The following TYW1 variants were observed in gnomAD, a reference collection of about 807,000 sequenced individuals.
TYW1 encodes the protein tRNA-yW synthesizing protein 1 homolog, also known as S-adenosyl-L-methionine-dependent tRNA 4-demethylwyosine synthase TYW1.
In TYW1, 46 loss-of-function variants were observed where a neutral mutation model predicts 96.2. The observed-to-expected ratio is 0.48, with a 90% CI of 0.38 to 0.61. TYW1 has a LOEUF of 0.61. Ranked by LOEUF, TYW1 falls within the 20% of genes least tolerant of loss-of-function variation. The pLI, the probability that TYW1 is intolerant of heterozygous loss-of-function variation, is 0.00. For synonymous variants in TYW1, 274 were observed against 323.0 expected (o/e 0.85, Z 1.63); for missense variants, 684 against 909.6 (o/e 0.75, Z 3.19).
chr7:67,199,420 G>T (rs1378407395), intron 15 of TYW1, among the ~76,000 whole-genome samples: 3 of 152,102 alleles, frequency 2.0e-5, no homozygotes, highest in Non-Finnish European at 4.4e-5. Flanking sequence ...TCTCTCCTTT[G>T]CACCTGATAA....
intron 11 of TYW1, chr7:67,089,146 G>T: frequency 2.3e-6 from 1 of 443,176 alleles, no homozygotes. Context: ...GGAAGGGGGA[G>T]GAGGGGAAGT....
chr7:67,012,879 G>A (rs1226246107), intron 4 of TYW1, among the ~76,000 whole-genome samples: 4 of 150,958 alleles, frequency 2.6e-5, no homozygotes, highest in African/African-American at 9.7e-5. Flanking sequence ...ACATCATTAT[G>A]TATATGCAGA....
chr7:67,043,749 T>C (rs1405954003), intron 7 of TYW1, among the ~76,000 whole-genome samples: 2 of 152,182 alleles, frequency 1.3e-5, no homozygotes, highest in African/African-American at 4.8e-5. Context: ...TGAGTCCCCA[T>C]GTTATCTTGT....
In TYW1 at chr7:67,176,059, G is replaced by T. The variant is rs1584656698; in HGVS notation, c.1699-7067G>T. ...ATGTATTTTACAAGACTGCTATATA[G>T]ATACACAGTCAGCTTACAAAAATCA... On this transcript the variant is annotated intron_variant, in intron 13 of 15. Coordinates refer to ENST00000359626, the MANE Select transcript of TYW1 (RefSeq NM_018264.4). Among the ~76,000 whole-genome samples the T allele has an allele frequency of 9.2e-5, 14 of 152,102 alleles. 1 individual carries two copies. In the East Asian group the frequency reaches 2.7e-3, roughly 29 times the overall value.
chr7:67,148,425 A>ATTTTT lies in TYW1; in HGVS notation c.1698+30823_1698+30827dup, dbSNP rs34723740. 1.2e-4 allele frequency among the ~76,000 whole-genome samples: 13 copies of ATTTTT among 109,376 alleles called. 2 individuals are homozygous for ATTTTT. The highest frequency in any genetic ancestry group is 4.2e-4 in the African/African-American group (11 of 26,266). 71.8% of individuals were successfully genotyped at this position (109,376 alleles called of 152,430 possible). A position where few individuals can be genotyped will look rare whatever the true frequency, so the allele number is the denominator to read the frequency against. ...ACTTAACAAGGTTTACTTGAAAGTG[A>ATTTTT]TTTTTTTTTTTTTTTTTTTTGAGAT... On this transcript the variant is annotated intron_variant, in intron 13 of 15. Transcript: ENST00000359626.
At chr7:67,074,918 T>C (rs2115721341) in intron 10 of TYW1, among the ~76,000 whole-genome samples, 1 of 152,232 alleles carries the variant, frequency 6.6e-6, no homozygotes, top group South Asian at 2.1e-4. Flanking sequence ...CTGTAACCTC[T>C]GTCTCCTGGG....
At chr7:67,230,575 A>G (rs920719525) in intron 15 of TYW1, among the ~76,000 whole-genome samples, 4 of 151,136 alleles carry the variant, frequency 2.6e-5, no homozygotes, top group African/African-American at 9.8e-5. Flanking sequence ...TTTGGTATTT[A>G]TCTCCGTATC....
chr7:67,100,618 G>A (rs58746832), intron 12 of TYW1, among the ~76,000 whole-genome samples: 3,467 of 152,146 alleles, frequency 0.023, 138 homozygotes, highest in African/African-American at 0.079. Flanking sequence ...AGGCCGAGAC[G>A]GGTGGATCAC....
chr7:67,014,144 A>G (rs1793924709), intron 4 of TYW1, among the ~76,000 whole-genome samples: 1 of 152,184 alleles, frequency 6.6e-6, no homozygotes, highest in African/African-American at 2.4e-5. Flanking sequence ...ATGGTGAAAT[A>G]TACCAGGAGG....
At chr7:67,168,717 C>CT (rs201162063) in intron 13 of TYW1, among the ~76,000 whole-genome samples, 1 of 150,946 alleles carries the variant, frequency 6.6e-6, no homozygotes, top group Admixed American at 6.6e-5. Context: ...CTTTTTTTTT[C>CT]TTTTTTTCTT....
intron 15 of TYW1, among the ~76,000 whole-genome samples, chr7:67,226,935 G>A (rs1801579037): frequency 6.6e-6 from 1 of 151,832 alleles, no homozygotes; most frequent in Non-Finnish European, 1.5e-5. Flanking sequence ...TGGCTTGTAA[G>A]TATGATTGTA....
At chr7:67,197,642 G>C (rs1800443729) in intron 15 of TYW1, among the ~76,000 whole-genome samples, 1 of 152,140 alleles carries the variant, frequency 6.6e-6, no homozygotes, top group Non-Finnish European at 1.5e-5. Flanking sequence ...CTGTCTTATG[G>C]AAGAGAAATT....
intron 13 of TYW1, among the ~76,000 whole-genome samples, chr7:67,152,850 C>G (rs914923351): frequency 6.6e-6 from 1 of 152,184 alleles, no homozygotes; most frequent in South Asian, 2.1e-4. Flanking sequence ...ATCCGCCTGC[C>G]TGGGCCTCCC....
chr7:67,149,722 A>ATCTATCTATCTATCTATC (rs1554376826), intron 13 of TYW1, among the ~76,000 whole-genome samples: 5 of 140,120 alleles, frequency 3.6e-5, no homozygotes, highest in African/African-American at 1.3e-4. Context: ...AGGAAAAAAA[A>ATCTATCTATCTATCTATC]TATCTATCTA....
At chr7:67,138,490 C>T (rs1012403626) in intron 13 of TYW1, among the ~76,000 whole-genome samples, 1 of 152,090 alleles carries the variant, frequency 6.6e-6, no homozygotes, top group African/African-American at 2.4e-5. Flanking sequence ...CAATTATACT[C>T]CTTTAGTCAC....
chr7:67,123,100 GT>G (rs542701078), intron 13 of TYW1, among the ~76,000 whole-genome samples: 196 of 152,256 alleles, frequency 1.3e-3, no homozygotes, highest in Non-Finnish European at 2.2e-3. Flanking sequence ...GTTCTGACAA[GT>G]TTCCCTTCTT....
chr7:67,143,276 G>C (rs1406465668), intron 13 of TYW1, among the ~76,000 whole-genome samples: 2 of 152,188 alleles, frequency 1.3e-5, no homozygotes, highest in African/African-American at 4.8e-5. Flanking sequence ...GTGGGAGATA[G>C]ATAGTTTCAG....
Position 67,183,208 on chromosome 7 carries a change from T to G in TYW1, c.1781T>G (p.Leu594Arg), listed in dbSNP as rs1351514888. 6.2e-7 allele frequency: 1 copy of G among 1,608,314 alleles called. No individual in the cohort carries two copies. ...ELQAYAQLVS[L>R]GNPDFIEVKG... is the part of the protein sequence containing the mutation. ...CAGGCCTACGCGCAGCTCGTGTCCC[T>G]GGGGAATCCTGACTTCATCGAAGTG... The change falls in exon 14 of 16, where the codon CTG becomes CGG. Residue 594 changes from leucine to arginine, a missense_variant. Transcript: ENST00000359626.
At chr7:67,175,379 G>A (rs1799640286) in intron 13 of TYW1, among the ~76,000 whole-genome samples, 1 of 151,998 alleles carries the variant, frequency 6.6e-6, no homozygotes, top group Admixed American at 6.6e-5. Context: ...CCATGTTGGT[G>A]AGGCTGGTCT....
Sources: gnomAD v4.1 joint callset for allele counts (sites outside exome capture counted in the v4.1 genomes callset) on GRCh38, gnomAD v4.1.1 for gene constraint, MANE v1.5 for transcripts, NCBI Gene and HGNC (gene_info 2026-07-23, HGNC 2026-07-21) for gene names.